SEC11C: variants seen among roughly 807,000 people sequenced by gnomAD.
SEC11C encodes SEC11 homolog C, signal peptidase complex subunit.
A neutral mutation model predicts 21.9 loss-of-function variants in SEC11C; 10 were observed. The ratio of observed to expected loss-of-function variants is 0.46; its 90% CI spans 0.28 to 0.77. SEC11C has a LOEUF of 0.77. SEC11C is among the 30% of genes least tolerant of loss of function. The pLI is 0.12. For missense variants in SEC11C, 145 were observed against 244.5 expected (o/e 0.59, Z 2.71); for synonymous variants, 83 against 85.6 (o/e 0.97, Z 0.17).
chr18:59,148,664 A>AGTGCAGTC (rs1311792789), intron 1 of SEC11C, among the ~76,000 whole-genome samples: 44 of 149,904 alleles, frequency 2.9e-4, no homozygotes, highest in African/African-American at 8.2e-4. Context: ...CCCAGGCTGG[A>AGTGCAGTC]GTGCAGTCGT....
At chr18:59,141,488 C>T (rs1302591898) in intron 1 of SEC11C, among the ~76,000 whole-genome samples, 5 of 152,164 alleles carry the variant, frequency 3.3e-5, no homozygotes, top group African/African-American at 1.2e-4. Flanking sequence ...AGAAAAGGCC[C>T]TCTGATGAGT....
intron 1 of SEC11C, 125 bp from the exon 2 acceptor site, chr18:59,149,388 C>G: frequency 3.4e-6 from 2 of 592,788 alleles, no homozygotes; most frequent in Non-Finnish European, 6.2e-6. Flanking sequence ...AATTTTGTAC[C>G]TTGTGTTAGT....
rs2069432093 is a variant in SEC11C at position 59,157,547 on chromosome 18, T to G, written c.468-61T>G. 3 of 1,082,126 alleles carry G rather than the reference T, an allele frequency of 2.8e-6. No homozygotes were observed. In the East Asian group the frequency reaches 7.1e-5, roughly 26 times the overall value. 67.0% of individuals were successfully genotyped at this position (1,082,126 alleles called of 1,614,324 possible). A position where few individuals can be genotyped will look rare whatever the true frequency, so the allele number is the denominator to read the frequency against. ...AAGACTGATCTATAGTGTTTTCAGA[T>G]GTTGCCATCATCATGTTATAAGCAG... On this transcript the variant is annotated intron_variant, in intron 4 of 5. Coordinates refer to ENST00000587834, the MANE Select transcript of SEC11C (RefSeq NM_033280.4).
intron 1 of SEC11C, among the ~76,000 whole-genome samples, chr18:59,145,967 T>C (rs1390036282): frequency 2.0e-5 from 3 of 152,230 alleles, no homozygotes; most frequent in Non-Finnish European, 2.9e-5. Flanking sequence ...TTTGTATAAG[T>C]ACACTCTATG....
At chr18:59,141,404 A>G (rs2069208695) in intron 1 of SEC11C, among the ~76,000 whole-genome samples, 1 of 152,240 alleles carries the variant, frequency 6.6e-6, no homozygotes, top group South Asian at 2.1e-4. Context: ...TTAAAAATCT[A>G]GACTTAATGG....
At chr18:59,151,331 T>TC (rs2069350698) in intron 2 of SEC11C, among the ~76,000 whole-genome samples, 2 of 152,276 alleles carry the variant, frequency 1.3e-5, no homozygotes, top group African/African-American at 4.8e-5. Flanking sequence ...TTTTTTTTTT[T>TC]TTTAACACTG....
At chr18:59,140,120 T>G (rs2069192253) in intron 1 of SEC11C, 85 bp downstream of exon 1, 1 of 1,244,640 alleles carries the variant, frequency 8.0e-7, no homozygotes, top group African/African-American at 1.6e-5. Flanking sequence ...GGGCTCCGGC[T>G]CCCAGTGAAT....
Position 59,157,676 on chromosome 18 carries a change from A to G in SEC11C, c.525+11A>G. 6.5e-7 allele frequency: 1 copy of G among 1,538,568 alleles called. No individual in the cohort carries two copies. The highest frequency in any genetic ancestry group is 9.0e-7 in the Non-Finnish European group (1 of 1,111,816). On this transcript the variant is annotated intron_variant, in intron 5 of 5. Coordinates refer to ENST00000587834, the MANE Select transcript of SEC11C (RefSeq NM_033280.4). ...TATCCAAAATTCAAGGTAGGAATTT[A>G]TGTGTGTCTATATTTATTTACTTCG...
intron 2 of SEC11C, among the ~76,000 whole-genome samples, chr18:59,151,873 A>G (rs1291716801): frequency 1.3e-5 from 2 of 152,228 alleles, no homozygotes; most frequent in African/African-American, 4.8e-5. Context: ...GCATATCGCA[A>G]TTTACTTTGA....
At chr18:59,141,308 A>G (rs928022738) in intron 1 of SEC11C, among the ~76,000 whole-genome samples, 1 of 152,210 alleles carries the variant, frequency 6.6e-6, no homozygotes, top group Admixed American at 6.5e-5. Flanking sequence ...TGTAGTAGAG[A>G]TTATCACCAG....
chr18:59,143,065 TG>T (rs1487270728), intron 1 of SEC11C, among the ~76,000 whole-genome samples: 2 of 151,902 alleles, frequency 1.3e-5, no homozygotes, highest in African/African-American at 4.8e-5. Context: ...TTAAAAATGG[TG>T]TGTAGGCTGA....
intron 1 of SEC11C, among the ~76,000 whole-genome samples, chr18:59,143,857 T>TTTTCTTTTTTC (rs202045044): frequency 0.011 from 483 of 45,216 alleles, 6 homozygotes; most frequent in African/African-American, 0.046. Flanking sequence ...GCCATTTTCT[T>TTTTCTTTTTTC]TTTTTTTTTT....
rs2069433137 is a variant in SEC11C at position 59,157,620 on chromosome 18, T to C, written c.480T>C (p.Tyr160=). 1.2e-6 allele frequency: 2 copies of C among 1,606,796 alleles called. No individual in the cohort carries two copies. Among genetic ancestry groups the C allele is most frequent in the African/African-American group, 2.7e-5 (2 of 74,822 alleles). ...VVGRARGFLP[Y]VGMVTIIMND... The stretch of plus-strand genomic sequence containing the variant: ...TCCCACAATTTAGGTTTTTACCATA[T>C]GTTGGTATGGTCACCATAATAATGA... Residue 160 remains tyrosine, a synonymous_variant, in exon 5 of 6, where the codon TAT becomes TAC. Coordinates refer to ENST00000587834, the MANE Select transcript of SEC11C (RefSeq NM_033280.4).
intron 5 of SEC11C, 112 bp from the exon 6 acceptor site, chr18:59,158,520 A>G: frequency 1.2e-6 from 1 of 850,176 alleles, no homozygotes; most frequent in Admixed American, 2.1e-5. Context: ...GGAAGAGGTA[A>G]TCTTTTGATT....
intron 2 of SEC11C, among the ~76,000 whole-genome samples, chr18:59,150,743 CTT>C (rs528249224): frequency 6.9e-6 from 1 of 144,132 alleles, no homozygotes. Context: ...GATTTTAAGG[CTT>C]TTTTTTTTTT....
intron 1 of SEC11C, among the ~76,000 whole-genome samples, chr18:59,142,980 A>G (rs535663088): frequency 1.3e-4 from 20 of 152,308 alleles, no homozygotes; most frequent in African/African-American, 4.6e-4. Flanking sequence ...TTAGCACTCC[A>G]GTTTCCTTTT....
intron 2 of SEC11C, among the ~76,000 whole-genome samples, chr18:59,150,590 G>C (rs2069338371): frequency 6.6e-6 from 1 of 152,248 alleles, no homozygotes; most frequent in Non-Finnish European, 1.5e-5. Flanking sequence ...CGCCCCTGGG[G>C]TTGGGGTGGG....
chr18:59,146,903 C>T (rs9789124), intron 1 of SEC11C: 17,189 of 152,182 alleles, frequency 0.11, 1,485 homozygotes, highest in East Asian at 0.39. Context: ...TCCAGGGCTT[C>T]CCCGATGATT....
chr18:59,148,484 C>T (rs2069305884), intron 1 of SEC11C, among the ~76,000 whole-genome samples: 1 of 152,236 alleles, frequency 6.6e-6, no homozygotes, highest in Admixed American at 6.5e-5. Context: ...CCATGCCATG[C>T]TGCAGGGAGC....
Sources: gnomAD v4.1 joint callset for allele counts (sites outside exome capture counted in the v4.1 genomes callset) on GRCh38, gnomAD v4.1.1 for gene constraint, MANE v1.5 for transcripts, NCBI Gene and HGNC (gene_info 2026-07-23, HGNC 2026-07-21) for gene names.